The following PALD1 variants were observed in gnomAD, a reference collection of about 807,000 sequenced individuals.
The protein encoded by PALD1 is paladin.
A neutral mutation model predicts 96.0 loss-of-function variants in PALD1; 57 were observed. That is an observed-to-expected ratio of 0.59 (90% CI 0.48 to 0.74). The LOEUF is 0.74. Among genes scored for constraint, PALD1 ranks in the 30% least tolerant of loss-of-function variants. The pLI, the probability that PALD1 is intolerant of heterozygous loss-of-function variation, is 0.00. For synonymous variants in PALD1, 464 were observed against 473.6 expected (o/e 0.98, Z 0.26); for missense variants, 1,063 against 1,143.7 (o/e 0.93, Z 1.02).
intron 1 of PALD1, among the ~76,000 whole-genome samples, chr10:70,519,276 A>C (rs1246629455): frequency 6.6e-6 from 1 of 152,082 alleles, no homozygotes; most frequent in East Asian, 1.9e-4. Flanking sequence ...CTGCTACGAC[A>C]AAACGCCATG....
chr10:70,505,738 C>T (rs138573109), intron 1 of PALD1, among the ~76,000 whole-genome samples: 154 of 151,850 alleles, frequency 1.0e-3, no homozygotes, highest in African/African-American at 3.6e-3. Flanking sequence ...ATGTTGTTCC[C>T]GGCCAGGTGC....
intron 1 of PALD1, among the ~76,000 whole-genome samples, chr10:70,501,138 T>C (rs1846285837): frequency 6.6e-6 from 1 of 152,166 alleles, no homozygotes; most frequent in African/African-American, 2.4e-5. Context: ...CTGCTCCTTT[T>C]ACTCCTGGGG....
chr10:70,474,487 G>A (rs1229453295), upstream of PALD1, among the ~76,000 whole-genome samples: 3 of 152,154 alleles, frequency 2.0e-5, no homozygotes, highest in African/African-American at 7.2e-5. Context: ...CTTGAATCCA[G>A]GAGGCGGAGG....
At chr10:70,492,140 G>T (rs1197897711) in intron 1 of PALD1, among the ~76,000 whole-genome samples, 1 of 152,162 alleles carries the variant, frequency 6.6e-6, no homozygotes, top group African/African-American at 2.4e-5. Flanking sequence ...TGGTCATATG[G>T]TAAGTCTTTG....
At position 70,538,401 on chromosome 10, in the gene PALD1, G is replaced by T. The variant is rs772674336; in HGVS notation, c.1445G>T (p.Gly482Val). ...PVAPRDLIAR[G>V]SLREDDLVSP... ...GCTCCGAGGGACCTCATCGCCAGGGGCTCCCTAGTGAGTATGACTGGCAGT... is the reference window on the plus strand; with the variant it reads ...GCTCCGAGGGACCTCATCGCCAGGGTCTCCCTAGTGAGTATGACTGGCAGT... Residue 482 changes from glycine to valine, a missense_variant, in exon 12 of 20, where the codon GGC becomes GTC. Gly to Val is a moderately radical substitution (Grantham distance 109). Transcript: ENST00000263563. The T allele has an allele frequency of 5.0e-6, 8 of 1,611,430 alleles. No homozygotes were observed. In the African/African-American group the frequency reaches 9.3e-5, roughly 19 times the overall value.
At chr10:70,482,011 G>T (rs1845940732) in intron 1 of PALD1, among the ~76,000 whole-genome samples, 1 of 152,252 alleles carries the variant, frequency 6.6e-6, no homozygotes, top group Non-Finnish European at 1.5e-5. Context: ...GTGGCCCAGT[G>T]CATGGCATGG....
intron 1 of PALD1, among the ~76,000 whole-genome samples, chr10:70,503,661 AT>A (rs1348605809): frequency 1.3e-5 from 2 of 152,208 alleles, no homozygotes; most frequent in Non-Finnish European, 2.9e-5. Flanking sequence ...ATGACAAATA[AT>A]AAAAATACAT....
At chr10:70,542,947 G>GT (rs201346586) in intron 17 of PALD1, among the ~76,000 whole-genome samples, 2,651 of 150,810 alleles carry the variant, frequency 0.018, 40 homozygotes, top group African/African-American at 0.035. Context: ...TCTTTTTTCT[G>GT]TTTTTTTTAG....
At chr10:70,531,946 G>A in intron 5 of PALD1, among the ~76,000 whole-genome samples, 1 of 150,792 alleles carries the variant, frequency 6.6e-6, no homozygotes, top group East Asian at 1.9e-4. Context: ...TCACACTACT[G>A]CACTCCAGCC....
chr10:70,517,737 C>T (rs1474390285), intron 1 of PALD1, among the ~76,000 whole-genome samples: 2 of 152,104 alleles, frequency 1.3e-5, no homozygotes, highest in East Asian at 1.9e-4. Flanking sequence ...AATGTGCCCT[C>T]GTGCAGTTGA....
At chr10:70,482,405 C>T (rs972793237) in intron 1 of PALD1, among the ~76,000 whole-genome samples, 2 of 152,196 alleles carry the variant, frequency 1.3e-5, no homozygotes, top group African/African-American at 4.8e-5. Context: ...CTGTCTTGGG[C>T]CAAGGCACTT....
chr10:70,520,551 T>C (rs1307383462), intron 1 of PALD1, among the ~76,000 whole-genome samples: 1 of 152,236 alleles, frequency 6.6e-6, no homozygotes, highest in African/African-American at 2.4e-5. Context: ...TGGGTGAGTA[T>C]GTTGGAGCAT....
At chr10:70,557,056 A>C (rs1051534495) in intron 18 of PALD1, among the ~76,000 whole-genome samples, 1 of 152,228 alleles carries the variant, frequency 6.6e-6, no homozygotes, top group Non-Finnish European at 1.5e-5. Context: ...ATTAACTATT[A>C]GTCTTCCAGG....
chr10:70,536,827 A>G (rs538551786), intron 10 of PALD1, among the ~76,000 whole-genome samples: 95 of 152,276 alleles, frequency 6.2e-4, no homozygotes, highest in Non-Finnish European at 1.3e-3. Flanking sequence ...TCTCACTTGA[A>G]TCTCACTTGC....
rs971045563 is a variant in PALD1, at chr10:70,540,015, G to A, written c.1908+253G>A. 1.3e-5 allele frequency among the ~76,000 whole-genome samples: 2 copies of A among 152,222 alleles called. No individual in the cohort carries two copies. Among genetic ancestry groups the A allele is most frequent in the South Asian group, 2.1e-4 (1 of 4,818 alleles). On this transcript the variant is annotated intron_variant, in intron 15 of 19. Coordinates refer to ENST00000263563, the MANE Select transcript of PALD1 (RefSeq NM_014431.3). The surrounding 1 kb of genome is among the most constrained non-coding windows in gnomAD (Gnocchi z 4.2). The stretch of plus-strand genomic sequence containing the variant: ...TTGTTATAGGTGTGTGTGTATTGGA[G>A]TGTGTATTCTGTTACGTATGTGCAT...
chr10:70,539,703 T>C lies in PALD1; in HGVS notation c.1849T>C (p.Cys617Arg). Reference sequence around the variant, plus strand: ...GGTCTTCAGCCAGCACCGCAGGGCCTGTCCTGGCCTCACCTACCACCGCAT... The same window carrying C: ...GGTCTTCAGCCAGCACCGCAGGGCCCGTCCTGGCCTCACCTACCACCGCAT... ...QEVFSQHRRA[C>R]PGLTYHRIPM... The change falls in exon 15 of 20, where the codon TGT becomes CGT. Residue 617 changes from cysteine to arginine, a missense_variant. Cys to Arg is a radical substitution (Grantham distance 180). Coordinates refer to ENST00000263563, the MANE Select transcript of PALD1 (RefSeq NM_014431.3). This position sits in a 1 kb window ranked among gnomAD's most constrained non-coding sequence, Gnocchi z 4.5. 1 of 1,613,434 alleles carries C rather than the reference T, an allele frequency of 6.2e-7. No individual in the cohort carries two copies. The highest frequency in any genetic ancestry group is 8.5e-7 in the Non-Finnish European group (1 of 1,179,708).
At chr10:70,496,427 C>G (rs902928937) in intron 1 of PALD1, among the ~76,000 whole-genome samples, 4 of 152,126 alleles carry the variant, frequency 2.6e-5, no homozygotes, top group African/African-American at 4.8e-5. Flanking sequence ...TTTCCCCCAC[C>G]CTGCCACCCC....
intron 18 of PALD1, among the ~76,000 whole-genome samples, chr10:70,548,682 T>C (rs1393360415): frequency 6.6e-6 from 1 of 152,196 alleles, no homozygotes; most frequent in African/African-American, 2.4e-5. Flanking sequence ...CAGAAACAGC[T>C]CTTGCCTGTG....
chr10:70,500,950 G>C (rs902851381), intron 1 of PALD1, among the ~76,000 whole-genome samples: 2 of 152,178 alleles, frequency 1.3e-5, no homozygotes, highest in African/African-American at 4.8e-5. Context: ...TTCCTCCTTG[G>C]CCTCTGTATG....
Sources: gnomAD v4.1 joint callset for allele counts (sites outside exome capture counted in the v4.1 genomes callset) on GRCh38, gnomAD v4.1.1 for gene constraint, Gnocchi (gnomAD v3.1) non-coding constraint, MANE v1.5 for transcripts, NCBI Gene and HGNC (gene_info 2026-07-23, HGNC 2026-07-21) for gene names.